The following MYO1A variants were observed in gnomAD, a reference collection of about 807,000 sequenced individuals.
The protein encoded by MYO1A is myosin IA.
A neutral mutation model predicts 138.5 loss-of-function variants in MYO1A; 127 were observed. The observed-to-expected ratio is 0.92, with a 90% CI of 0.79 to 1.06. The LOEUF is 1.06. MYO1A is among the 50% of genes least tolerant of loss of function. MYO1A has a pLI of 0.00. For missense variants in MYO1A, 1,211 were observed against 1,288.8 expected (o/e 0.94, Z 0.92); for synonymous variants, 477 against 497.5 (o/e 0.96, Z 0.55).
At chr12:57,039,502 G>A in intron 14 of MYO1A, 3 of 559,320 alleles carry the variant, frequency 5.4e-6, no homozygotes, top group Non-Finnish European at 6.5e-6. Flanking sequence ...CTGTGAGAGA[G>A]GGTGAGACAA....
At chr12:57,047,194 C>T (rs2031139512) in intron 5 of MYO1A, 87 bp from the exon 6 acceptor site, 1 of 1,592,038 alleles carries the variant, frequency 6.3e-7, no homozygotes, top group Non-Finnish European at 8.6e-7. Context: ...TCAGATTTTT[C>T]TGGGTCGAAC....
chr12:57,036,680 G>A (rs2030563420), intron 21 of MYO1A, 92 bp downstream of exon 21: 20 of 1,459,140 alleles, frequency 1.4e-5, no homozygotes, highest in Non-Finnish European at 1.9e-5. Flanking sequence ...CGGCCTGGGT[G>A]CAGGCAGGAC....
chr12:57,032,103 G>A (rs1270525785), intron 22 of MYO1A, among the ~76,000 whole-genome samples: 1 of 152,182 alleles, frequency 6.6e-6, no homozygotes, highest in Non-Finnish European at 1.5e-5. Context: ...TGGGAGATCA[G>A]CTCAAAGCCC....
rs71461307 is a variant in MYO1A at position 57,037,480 on chromosome 12, C to T, written c.2055+68G>A. 6.1e-4 allele frequency: 839 copies of T among 1,382,412 alleles called. 2 individuals carry two copies. The highest frequency in any genetic ancestry group is 7.9e-4 in the Non-Finnish European group (761 of 968,792). The allele number at this position is 1,382,412 out of a possible 1,614,324, so 85.6% of individuals were successfully genotyped here. On this transcript the variant is annotated intron_variant, in intron 19 of 27. Coordinates refer to ENST00000300119, the MANE Select transcript of MYO1A (RefSeq NM_005379.4). Reference sequence around the variant, plus strand: ...CAGGTTATACACGCTCCCTCCCCCTCCAGCCTTTCTCAGGTGGGCTCTTCC... The same window carrying T: ...CAGGTTATACACGCTCCCTCCCCCTTCAGCCTTTCTCAGGTGGGCTCTTCC...
rs2030974696 is a variant in MYO1A at position 57,043,883 on chromosome 12, G to C, written c.865C>G (p.Pro289Ala). ...VADEFQASGIPASGIRDGRGV... is the reference protein window; with the variant it reads ...VADEFQASGIAASGIRDGRGV... The stretch of plus-strand genomic sequence containing the variant: ...CTCCCATCACGGATGCCACTTGCTG[G>C]TATCCCACTGGCCTGGAACTCATCA... The change falls in exon 10 of 28, where the codon CCA (proline) becomes GCA (alanine). Residue 289 changes from proline to alanine, a missense_variant. Coordinates refer to ENST00000300119, the MANE Select transcript of MYO1A (RefSeq NM_005379.4). The C allele has an allele frequency of 6.2e-7, 1 of 1,614,080 alleles. No homozygotes were observed. The highest frequency in any genetic ancestry group is 8.5e-7 in the Non-Finnish European group (1 of 1,179,996).
chr12:57,038,409 C>T lies in MYO1A; in HGVS notation c.1760+3G>A, dbSNP rs759077359. On this transcript the variant is annotated splice_donor_region_variant and intron_variant, in intron 17 of 27. Transcript: ENST00000300119. ...CATGTTCCCCTGCATGCCAGCATGTCACCTGATGTAGTTGGGGCTCTTGGA... is the reference window on the plus strand; with the variant it reads ...CATGTTCCCCTGCATGCCAGCATGTTACCTGATGTAGTTGGGGCTCTTGGA... The T allele has an allele frequency of 3.8e-5, 61 of 1,613,950 alleles. No individual in the cohort carries two copies. Among genetic ancestry groups the T allele is most frequent in the Non-Finnish European group, 4.7e-5 (56 of 1,179,930 alleles).
chr12:57,043,181 T>G lies in MYO1A; in HGVS notation c.1012-23A>C, dbSNP rs779528721. The G allele has an allele frequency of 4.3e-6, 7 of 1,613,868 alleles. No homozygotes were observed. The Admixed American group carries it at 5.0e-5, about 12-fold the overall frequency. ...AGCCTGTGGGTGAGGCACAGCTGATTAGGGTGGCATCACAGAACAGGGTCG... is the reference window on the plus strand; with the variant it reads ...AGCCTGTGGGTGAGGCACAGCTGATGAGGGTGGCATCACAGAACAGGGTCG... On this transcript the variant is annotated intron_variant, in intron 11 of 27. Coordinates refer to ENST00000300119, the MANE Select transcript of MYO1A (RefSeq NM_005379.4).
At position 57,044,189 on chromosome 12, in the gene MYO1A, C is replaced by A. The variant is rs200809883; in HGVS notation, c.661G>T (p.Asp221Tyr). ...TTCAGATAGGCATAGCCAGTTGTAT[C>A]CCGCTCAAGCTTCAGGGCCTCTGGG... Reference protein sequence around the residue: ...QLLKALKLERDTTGYAYLNHE... With the variant: ...QLLKALKLERYTTGYAYLNHE... Residue 221 changes from aspartate (D) to tyrosine (Y), a missense_variant, in exon 9 of 28, where the codon GAT becomes TAT. Physicochemically the swap from Asp to Tyr is radical, Grantham distance 160. Transcript: ENST00000300119. The A allele has an allele frequency of 5.0e-6, 8 of 1,614,068 alleles. No individual in the cohort carries two copies. In the East Asian group the frequency reaches 1.3e-4, roughly 27 times the overall value.
Position 57,038,999 on chromosome 12 carries a change from C to T in MYO1A, c.1343G>A (p.Gly448Asp). Residue 448 changes from glycine (G) to aspartate (D), a missense_variant, in exon 16 of 28, where the codon GGT becomes GAT. Coordinates refer to ENST00000300119, the MANE Select transcript of MYO1A (RefSeq NM_005379.4). Reference protein sequence around the residue: ...ICKLIEHNQRGILAMLDEECL... With the variant: ...ICKLIEHNQRDILAMLDEECL... ...CTCCTCATCCAACATGGCCAGGATA[C>T]CTCGCTGATTCTGGGCCGGGGGAAC... 6.2e-7 allele frequency: 1 copy of T among 1,613,658 alleles called. No individual in the cohort carries two copies. Among genetic ancestry groups the T allele is most frequent in the Non-Finnish European group, 8.5e-7 (1 of 1,179,734 alleles).
chr12:57,047,109 TAC>T lies in MYO1A; in HGVS notation c.431-4_431-3del, dbSNP rs2031135337. ...GAATGGTCTTGGCATTGCCAAAAGCTACAGAGATGAGGAGGGGAGAAGTGAAA... is the reference window on the plus strand; with the variant it reads ...GAATGGTCTTGGCATTGCCAAAAGCTAGAGATGAGGAGGGGAGAAGTGAAA... On this transcript the variant is annotated splice_region_variant and splice_polypyrimidine_tract_variant and intron_variant, in intron 5 of 27. Transcript: ENST00000300119. 6.2e-7 allele frequency: 1 copy of T among 1,613,878 alleles called. No homozygotes were observed. The highest frequency in any genetic ancestry group is 8.5e-7 in the Non-Finnish European group (1 of 1,179,978).
chr12:57,029,352 T>TC, intron 26 of MYO1A, 83 bp downstream of exon 26: 1 of 1,612,278 alleles, frequency 6.2e-7, no homozygotes, highest in South Asian at 1.1e-5. Flanking sequence ...AAAGGTCTGG[T>TC]CCCCATCACC....
chr12:57,043,423 T>C, intron 10 of MYO1A, 65 bp from the exon 11 acceptor site: 1 of 1,486,378 alleles, frequency 6.7e-7, no homozygotes, highest in Non-Finnish European at 9.4e-7. Flanking sequence ...GGGAGTGCAA[T>C]CTGATAAGTG....
chr12:57,041,359 C>A, intron 13 of MYO1A, 71 bp from the exon 14 acceptor site: 2 of 1,587,866 alleles, frequency 1.3e-6, no homozygotes, highest in East Asian at 2.2e-5. Context: ...ACCTCCCCTC[C>A]CTCACATCCC....
chr12:57,038,158 C>G, intron 17 of MYO1A, 89 bp from the exon 18 acceptor site: 1 of 1,477,012 alleles, frequency 6.8e-7, no homozygotes, highest in Non-Finnish European at 9.4e-7. Context: ...GCACACGGTG[C>G]ACTTCACTGA....
Position 57,029,584 on chromosome 12 carries a change from A to C in MYO1A, c.2728T>G (p.Ser910Ala). The C allele has an allele frequency of 6.2e-7, 1 of 1,614,224 alleles. No individual in the cohort carries two copies. The highest frequency in any genetic ancestry group is 8.5e-7 in the Non-Finnish European group (1 of 1,180,042). Residue 910 changes from serine to alanine, a missense_variant, in exon 26 of 28, where the codon TCT becomes GCT. By Grantham distance (99) the Ser-to-Ala change is moderately conservative. Transcript: ENST00000300119. Reference sequence around the variant, plus strand: ...TTGGTCAGGAGGAGAATCCGAGAAGAAGTCTAGGGACGGAACAGGCAAGGG... The same window carrying C: ...TTGGTCAGGAGGAGAATCCGAGAAGCAGTCTAGGGACGGAACAGGCAAGGG... ...KKVNRGNGKT[S>A]SRILLLTKGH...
At position 57,030,195 on chromosome 12, in the gene MYO1A, C is replaced by G; in HGVS notation, c.2591+15G>C. 6.2e-7 allele frequency: 1 copy of G among 1,606,462 alleles called. No homozygotes were observed. Among genetic ancestry groups the G allele is most frequent in the African/African-American group, 1.3e-5 (1 of 74,894 alleles). ...CGTGATGGAACTGGCTGTGCAGGGT[C>G]TGGGAGGCCCTCACCTCTGGGGATA... is the stretch of plus-strand genomic sequence containing the variant. On this transcript the variant is annotated intron_variant, in intron 24 of 27. Transcript: ENST00000300119.
intron 24 of MYO1A, 56 bp from the exon 25 acceptor site, chr12:57,029,928 C>T: frequency 6.2e-7 from 1 of 1,613,352 alleles, no homozygotes; most frequent in Non-Finnish European, 8.5e-7. Context: ...TCTTCCCCAC[C>T]CCCAGAGTTC....
Position 57,047,662 on chromosome 12 carries a change from A to G in MYO1A, c.290T>C (p.Ile97Thr), listed in dbSNP as rs997505644. The change falls in exon 4 of 28, where the codon ATC becomes ACC. Residue 97 changes from isoleucine (I) to threonine (T), a missense_variant. Ile to Thr is a moderately conservative substitution (Grantham distance 89). Coordinates refer to ENST00000300119, the MANE Select transcript of MYO1A (RefSeq NM_005379.4). ...SLRDRDRDQC[I>T]LITGESGSGK... is the part of the protein sequence containing the mutation. ...TGATCCACTCTCGCCTGTGATGAGG[A>G]TACACTGGTCTCGGTCCCTGTCCCT... 4 of 1,614,092 alleles carry G rather than the reference A, an allele frequency of 2.5e-6. No individual in the cohort carries two copies. The highest frequency in any genetic ancestry group is 3.4e-6 in the Non-Finnish European group (4 of 1,180,056).
chr12:57,034,598 C>T (rs1364434707), intron 22 of MYO1A, among the ~76,000 whole-genome samples: 3 of 151,976 alleles, frequency 2.0e-5, no homozygotes, highest in African/African-American at 4.8e-5. Flanking sequence ...GGCTTGAGCC[C>T]GGGAGATGGA....
Sources: gnomAD v4.1 joint callset for allele counts (sites outside exome capture counted in the v4.1 genomes callset) on GRCh38, gnomAD v4.1.1 for gene constraint, MANE v1.5 for transcripts, NCBI Gene and HGNC (gene_info 2026-07-23, HGNC 2026-07-21) for gene names.